The following SYT16 variants were observed in gnomAD, a reference collection of about 807,000 sequenced individuals.
The protein encoded by SYT16 is synaptotagmin-16.
Under a neutral mutation model 61.4 loss-of-function variants are expected in SYT16, and 42 were observed. The observed-to-expected ratio is 0.68, with a 90% CI of 0.53 to 0.89. The LOEUF is 0.89. Ranked by LOEUF, SYT16 falls within the 40% of genes least tolerant of loss-of-function variation. The pLI, the probability that SYT16 is intolerant of heterozygous loss-of-function variation, is 0.00. For synonymous variants in SYT16, 314 were observed against 302.3 expected, an observed-to-expected ratio of 1.04 and a Z score of -0.40; for missense variants, 804 against 807.3, an observed-to-expected ratio of 1.00 and a Z score of 0.05.
chr14:62,011,080 T>C (rs1019290715), intron 3 of SYT16, among the ~76,000 whole-genome samples: 6 of 152,200 alleles, frequency 3.9e-5, no homozygotes, highest in Admixed American at 1.3e-4. Context: ...ATATTGCTTA[T>C]GTCCCAGAAA....
chr14:62,043,955 G>T (rs1054579514), intron 3 of SYT16, among the ~76,000 whole-genome samples: 1 of 152,114 alleles, frequency 6.6e-6, no homozygotes, highest in African/African-American at 2.4e-5. Flanking sequence ...TTACAGGCAT[G>T]AACCACCATG....
chr14:61,915,265 A>G (rs1007709109), intron 1 of SYT16, among the ~76,000 whole-genome samples: 2 of 152,164 alleles, frequency 1.3e-5, no homozygotes, highest in Non-Finnish European at 2.9e-5. Context: ...AGTGATGGCA[A>G]CAAAGACCCT....
At chr14:61,942,390 A>C (rs1297562719) in intron 1 of SYT16, among the ~76,000 whole-genome samples, 2 of 152,240 alleles carry the variant, frequency 1.3e-5, no homozygotes, top group Admixed American at 6.5e-5. Context: ...GTGTCAGGCT[A>C]GTTTACCATG....
At chr14:61,955,093 G>T (rs923553016) in intron 1 of SYT16, among the ~76,000 whole-genome samples, 4 of 152,122 alleles carry the variant, frequency 2.6e-5, no homozygotes, top group Admixed American at 1.3e-4. Flanking sequence ...TAGCAGGATG[G>T]TATATAGTAC....
At chr14:61,993,272 G>GA (rs1452231038) in intron 2 of SYT16, among the ~76,000 whole-genome samples, 3 of 151,902 alleles carry the variant, frequency 2.0e-5, no homozygotes, top group Admixed American at 6.6e-5. Flanking sequence ...GGGGTGTGGG[G>GA]GGCAAGGGGA....
chr14:62,084,513 CA>C (rs753136795), intron 7 of SYT16, 128 bp downstream of exon 7: 1 of 997,794 alleles, frequency 1.0e-6, no homozygotes, highest in East Asian at 2.8e-5. Flanking sequence ...CAAGCTTTCA[CA>C]AAGAGATACC....
At chr14:61,958,808 T>G (rs1260706394) in intron 1 of SYT16, among the ~76,000 whole-genome samples, 1 of 152,146 alleles carries the variant, frequency 6.6e-6, no homozygotes, top group Non-Finnish European at 1.5e-5. Flanking sequence ...TTTATTGATT[T>G]TTTTTGTCTA....
At chr14:61,831,918 G>T in intron 1 of SYT16, 2 of 515,146 alleles carry the variant, frequency 3.9e-6, no homozygotes, top group South Asian at 3.7e-5. Context: ...CCCTGCAGGG[G>T]TTCACCTCAT....
At chr14:62,023,282 A>C (rs2053980318) in intron 3 of SYT16, among the ~76,000 whole-genome samples, 1 of 152,102 alleles carries the variant, frequency 6.6e-6, no homozygotes, top group South Asian at 2.1e-4. Flanking sequence ...GATGGCTCTT[A>C]TTGCTAACCT....
rs139553392 is a variant in SYT16, at chr14:62,104,156, C to T, written c.*3449C>T. 29 of 152,304 alleles carry T rather than the reference C, an allele frequency of 1.9e-4. No homozygotes were observed. The highest frequency in any genetic ancestry group is 6.5e-4 in the African/African-American group (27 of 41,568). The allele number at this position is 152,304 out of a possible 1,614,324, so 9.4% of individuals were successfully genotyped here. A position where few individuals can be genotyped will look rare whatever the true frequency, so the allele number is the denominator to read the frequency against. On this transcript the variant is annotated 3_prime_UTR_variant, in exon 8 of 8. Transcript: ENST00000683842. ...CACCAATTTGATTTAATTGATGATT[C>T]GGTGTGGACACCACTGTGGGTTTCC...
intron 1 of SYT16, among the ~76,000 whole-genome samples, chr14:61,950,604 T>C (rs926189494): frequency 1.3e-5 from 2 of 152,200 alleles, no homozygotes; most frequent in Non-Finnish European, 2.9e-5. Flanking sequence ...TGCTGAATCC[T>C]ATTGCTGTTC....
chr14:62,032,438 G>A (rs181764196), intron 3 of SYT16, among the ~76,000 whole-genome samples: 10 of 152,160 alleles, frequency 6.6e-5, no homozygotes, highest in Admixed American at 2.6e-4. Context: ...CTTGACTCCT[G>A]CAAGCAGTGG....
At chr14:62,062,457 G>A (rs570189296) in intron 3 of SYT16, among the ~76,000 whole-genome samples, 1 of 152,326 alleles carries the variant, frequency 6.6e-6, no homozygotes, top group South Asian at 2.1e-4. Context: ...CCCAGCCTGT[G>A]CATTGCATCC....
At chr14:62,049,981 T>C (rs1294243384) in intron 3 of SYT16, among the ~76,000 whole-genome samples, 1 of 152,192 alleles carries the variant, frequency 6.6e-6, no homozygotes, top group Non-Finnish European at 1.5e-5. Flanking sequence ...AGTATCTTTG[T>C]GGCATTCTCT....
chr14:61,973,903 T>A (rs1218368303), intron 2 of SYT16, among the ~76,000 whole-genome samples: 1 of 152,074 alleles, frequency 6.6e-6, no homozygotes, highest in Non-Finnish European at 1.5e-5. Context: ...GACCAGACCC[T>A]GAGAAGGAGG....
Position 61,861,662 on chromosome 14 carries a change from C to T in SYT16, c.-325+48852C>T, listed in dbSNP as rs114291209. On this transcript the variant is annotated intron_variant, in intron 1 of 7. Coordinates refer to ENST00000683842, the MANE Select transcript of SYT16 (RefSeq NM_001367656.1). ...TCAAGCAATCTGCCCACATTGGCCT[C>T]CCAACGTGCTGGGATTACAGGTATG... Among the ~76,000 whole-genome samples the T allele has an allele frequency of 2.7e-3, 414 of 152,318 alleles. 3 individuals are homozygous for T. The highest frequency in any genetic ancestry group is 9.7e-3 in the African/African-American group (403 of 41,574).
intron 7 of SYT16, among the ~76,000 whole-genome samples, chr14:62,096,461 CAG>C (rs1191866170): frequency 6.6e-6 from 1 of 151,592 alleles, no homozygotes; most frequent in Non-Finnish European, 1.5e-5. Context: ...TGTTCATTAA[CAG>C]AATGAAAAAA....
At chr14:62,026,065 A>G (rs2054091338) in intron 3 of SYT16, among the ~76,000 whole-genome samples, 1 of 152,100 alleles carries the variant, frequency 6.6e-6, no homozygotes, top group Non-Finnish European at 1.5e-5. Flanking sequence ...CTTTTCTTTT[A>G]TATGCCTTAT....
chr14:61,867,481 G>A (rs1376700367), intron 1 of SYT16, among the ~76,000 whole-genome samples: 1 of 151,976 alleles, frequency 6.6e-6, no homozygotes, highest in Non-Finnish European at 1.5e-5. Context: ...ACGTCTAGAA[G>A]ACCCATATGC....
Sources: allele counts gnomAD v4.1 joint callset (sites outside exome capture counted in the v4.1 genomes callset), GRCh38; gene constraint gnomAD v4.1.1; transcripts MANE v1.5; gene names NCBI Gene and HGNC (gene_info 2026-07-23, HGNC 2026-07-21).